The following CTNNA2 variants were observed in gnomAD, a reference collection of about 807,000 sequenced individuals.
The protein encoded by CTNNA2 is catenin alpha-2.
CTNNA2 carries 42 observed loss-of-function variants against 101.0 expected under a neutral mutation model. The ratio of observed to expected loss-of-function variants is 0.42; its 90% CI spans 0.32 to 0.54. The LOEUF is 0.54. Ranked by LOEUF, CTNNA2 falls within the 20% of genes least tolerant of loss-of-function variation. The probability of loss-of-function intolerance (pLI) is 0.14; values close to 1 mark genes in which losing one functional copy is unlikely to be tolerated. For missense variants in CTNNA2, 871 were observed against 1,223.1 expected, an observed-to-expected ratio of 0.71 and a Z score of 4.29; for synonymous variants, 450 against 456.4, an observed-to-expected ratio of 0.99 and a Z score of 0.18.
chr2:80,097,271 A>G (rs926086350), intron 7 of CTNNA2, among the ~76,000 whole-genome samples: 13 of 151,958 alleles, frequency 8.6e-5, no homozygotes, highest in African/African-American at 2.9e-4. Flanking sequence ...TATGAAGCTT[A>G]GTTTGCTGGA....
At chr2:80,387,280 CTT>C (rs1241235970) in intron 7 of CTNNA2, among the ~76,000 whole-genome samples, 1 of 150,924 alleles carries the variant, frequency 6.6e-6, no homozygotes, top group East Asian at 1.9e-4. Context: ...TAGAGCAAGA[CTT>C]TGTCTCAAAA....
intron 7 of CTNNA2, among the ~76,000 whole-genome samples, chr2:80,081,166 A>G (rs1274526975): frequency 1.3e-5 from 2 of 151,762 alleles, no homozygotes; most frequent in African/African-American, 4.8e-5. Flanking sequence ...AATAAAAACA[A>G]CATTCTTGGT....
chr2:80,434,083 A>G (rs1574030837), intron 9 of CTNNA2, among the ~76,000 whole-genome samples: 1 of 152,230 alleles, frequency 6.6e-6, no homozygotes, highest in Admixed American at 6.5e-5. Flanking sequence ...TACTAATGAC[A>G]TGTGTGCAAG....
chr2:80,345,974 G>A (rs943588382), intron 7 of CTNNA2, among the ~76,000 whole-genome samples: 1 of 152,046 alleles, frequency 6.6e-6, no homozygotes, highest in Non-Finnish European at 1.5e-5. Flanking sequence ...AGGATAAAGG[G>A]CATAAGGAGA....
At chr2:80,408,174 T>C (rs957668596) in intron 8 of CTNNA2, among the ~76,000 whole-genome samples, 3 of 152,138 alleles carry the variant, frequency 2.0e-5, no homozygotes, top group Non-Finnish European at 1.5e-5. Flanking sequence ...TTTGTCTGGG[T>C]TCCTCCCCAG....
chr2:80,530,925 A>C (rs1690483033), intron 9 of CTNNA2, among the ~76,000 whole-genome samples: 1 of 152,148 alleles, frequency 6.6e-6, no homozygotes, highest in African/African-American at 2.4e-5. Context: ...ATGAGAGAAC[A>C]TGGGGGAAAA....
intron 4 of CTNNA2, among the ~76,000 whole-genome samples, chr2:79,486,415 TA>T (rs1003061890): frequency 8.5e-5 from 13 of 152,176 alleles, no homozygotes; most frequent in African/African-American, 2.4e-4. Flanking sequence ...TATCCTTTTT[TA>T]TAGATGCATA....
At chr2:80,610,378 A>G (rs1241880093) in intron 17 of CTNNA2, among the ~76,000 whole-genome samples, 2 of 151,732 alleles carry the variant, frequency 1.3e-5, no homozygotes, top group African/African-American at 4.8e-5. Context: ...CCATACACAC[A>G]CATTTTCAAT....
chr2:79,224,580 A>G (rs1012173077), intron 2 of CTNNA2, among the ~76,000 whole-genome samples: 4 of 152,072 alleles, frequency 2.6e-5, no homozygotes, highest in Non-Finnish European at 5.9e-5. Flanking sequence ...TTCAATATTC[A>G]TTATTTTATG....
intron 4 of CTNNA2, chr2:79,497,995 A>G (rs1370146346): frequency 1.3e-5 from 2 of 152,210 alleles, no homozygotes; most frequent in Non-Finnish European, 2.9e-5. Flanking sequence ...CCTTAGACAC[A>G]TGAATGAACA....
intron 4 of CTNNA2, among the ~76,000 whole-genome samples, chr2:79,395,100 C>T (rs898164488): frequency 6.6e-6 from 1 of 152,132 alleles, no homozygotes; most frequent in African/African-American, 2.4e-5. Context: ...CTTACAACCA[C>T]CCTTCAAGAT....
At chr2:80,519,103 C>T (rs1689321845) in intron 9 of CTNNA2, among the ~76,000 whole-genome samples, 2 of 151,686 alleles carry the variant, frequency 1.3e-5, no homozygotes, top group Admixed American at 1.3e-4. Flanking sequence ...CAAGAATAAA[C>T]ACCTCTCTTT....
chr2:79,829,877 G>A (rs1162868203), intron 3 of CTNNA2, among the ~76,000 whole-genome samples: 2 of 151,756 alleles, frequency 1.3e-5, no homozygotes, highest in Non-Finnish European at 2.9e-5. Flanking sequence ...CTGCCACCAC[G>A]CCCGGCTAAG....
At chr2:79,768,195 T>C (rs1673301162) in intron 3 of CTNNA2, among the ~76,000 whole-genome samples, 4 of 151,656 alleles carry the variant, frequency 2.6e-5, no homozygotes, top group Non-Finnish European at 4.4e-5. Flanking sequence ...TGAGTTCATT[T>C]CCTCAGGATT....
intron 8 of CTNNA2, among the ~76,000 whole-genome samples, chr2:80,400,285 T>A (rs1386410650): frequency 6.6e-6 from 1 of 152,136 alleles, no homozygotes; most frequent in Non-Finnish European, 1.5e-5. Flanking sequence ...TATTTCTTTA[T>A]CTCCCCATTT....
chr2:80,589,914 G>GCA (rs1203067257), intron 15 of CTNNA2, among the ~76,000 whole-genome samples: 1 of 151,918 alleles, frequency 6.6e-6, no homozygotes, highest in African/African-American at 2.4e-5. Flanking sequence ...GTGCGCGCGC[G>GCA]CGCATGTATA....
chr2:80,155,176 A>G (rs751546754), intron 7 of CTNNA2, among the ~76,000 whole-genome samples: 31 of 152,208 alleles, frequency 2.0e-4, no homozygotes, highest in Non-Finnish European at 3.5e-4. Flanking sequence ...TGTGATTAGA[A>G]AAGAAACAAT....
intron 7 of CTNNA2, among the ~76,000 whole-genome samples, chr2:80,106,939 G>A (rs1265786181): frequency 2.0e-5 from 3 of 152,134 alleles, no homozygotes; most frequent in Non-Finnish European, 4.4e-5. Context: ...CCCTATTTGA[G>A]CAGGTACTGG....
chr2:79,498,695 G>A (rs906938368), intron 4 of CTNNA2, among the ~76,000 whole-genome samples: 4 of 152,048 alleles, frequency 2.6e-5, no homozygotes, highest in Admixed American at 6.6e-5. Flanking sequence ...CTACTTCATC[G>A]GTTGGGAATG....
Sources: allele counts gnomAD v4.1 joint callset (sites outside exome capture counted in the v4.1 genomes callset), GRCh38; gene constraint gnomAD v4.1.1; transcripts MANE v1.5; gene names NCBI Gene and HGNC (gene_info 2026-07-23, HGNC 2026-07-21).